The following ZHX3 variants were observed in gnomAD, a reference collection of about 807,000 sequenced individuals.
ZHX3 encodes zinc fingers and homeoboxes protein 3.
Under a neutral mutation model 64.5 loss-of-function variants are expected in ZHX3, and 20 were observed. That is an observed-to-expected ratio of 0.31 (90% CI 0.22 to 0.45). The LOEUF (loss-of-function observed/expected upper bound fraction) is 0.45, where lower values mean the gene tolerates loss of function less well. Among genes scored for constraint, ZHX3 ranks in the 20% least tolerant of loss-of-function variants. ZHX3 has a pLI of 1.00. For synonymous variants in ZHX3, 423 were observed against 461.6 expected (o/e 0.92, Z 1.07); for missense variants, 1,041 against 1,195.8 (o/e 0.87, Z 1.91).
intron 2 of ZHX3, among the ~76,000 whole-genome samples, chr20:41,240,077 A>C (rs2146442241): frequency 6.6e-6 from 1 of 152,146 alleles, no homozygotes; most frequent in South Asian, 2.1e-4. Context: ...GCTCACTGCA[A>C]CCTCTGCCTC....
Position 41,202,352 on chromosome 20 carries a change from C to A in ZHX3, c.2565G>T (p.Met855Ile), listed in dbSNP as rs1299613366. The A allele has an allele frequency of 6.2e-7, 1 of 1,614,192 alleles. No homozygotes were observed. The highest frequency in any genetic ancestry group is 1.7e-5 in the Admixed American group (1 of 60,018). The change falls in exon 3 of 4, where the codon ATG becomes ATT. Residue 855 changes from methionine to isoleucine, a missense_variant. Transcript: ENST00000683867. The surrounding 1 kb of genome is among the most constrained non-coding windows in gnomAD (Gnocchi z 7.0). Reference sequence around the variant, plus strand: ...CCTCTTCATACAGCATCTTGTGTGTCATGTAATAGTCCTGCAGGAGCTCCC... The same window carrying A: ...CCTCTTCATACAGCATCTTGTGTGTAATGTAATAGTCCTGCAGGAGCTCCC... ...GNRELLQDYYMTHKMLYEEDL... is the reference protein window; with the variant it reads ...GNRELLQDYYITHKMLYEEDL...
At chr20:41,254,954 T>C (rs1216142878) in intron 2 of ZHX3, among the ~76,000 whole-genome samples, 1 of 151,962 alleles carries the variant, frequency 6.6e-6, no homozygotes, top group Non-Finnish European at 1.5e-5. Flanking sequence ...CGAGGGAGAC[T>C]GATAATAGTG....
At chr20:41,301,912 G>A (rs1240527379) in intron 1 of ZHX3, among the ~76,000 whole-genome samples, 1 of 151,278 alleles carries the variant, frequency 6.6e-6, no homozygotes, top group Non-Finnish European at 1.5e-5. Flanking sequence ...AAATTAGCCG[G>A]GCGTAGTGGC....
At chr20:41,302,283 C>T (rs952279837) in intron 1 of ZHX3, among the ~76,000 whole-genome samples, 7 of 152,172 alleles carry the variant, frequency 4.6e-5, no homozygotes, top group Non-Finnish European at 4.4e-5. Context: ...CAAGGCACCA[C>T]TGCATCAATT....
At chr20:41,188,478 C>A (rs1053369021) in intron 3 of ZHX3, 3 of 145,204 alleles carry the variant, frequency 2.1e-5, no homozygotes, top group African/African-American at 7.6e-5. Flanking sequence ...GGCACAACCA[C>A]GGCTCACTGC....
chr20:41,263,047 A>C (rs981530197), intron 2 of ZHX3, among the ~76,000 whole-genome samples: 1 of 152,230 alleles, frequency 6.6e-6, no homozygotes, highest in African/African-American at 2.4e-5. Context: ...TCTGTAATAC[A>C]GAAGACATAA....
chr20:41,214,257 T>C (rs1336403242), intron 2 of ZHX3, among the ~76,000 whole-genome samples: 1 of 152,186 alleles, frequency 6.6e-6, no homozygotes, highest in Non-Finnish European at 1.5e-5. Flanking sequence ...TTCATATTGT[T>C]GGAAGTGCTT....
intron 1 of ZHX3, among the ~76,000 whole-genome samples, chr20:41,315,403 C>T (rs1047951015): frequency 7.4e-6 from 1 of 135,058 alleles, no homozygotes; most frequent in Non-Finnish European, 1.5e-5. Context: ...CCATGCTGGC[C>T]GGGCTGGTCT....
chr20:41,263,545 C>T (rs914626542), intron 2 of ZHX3, among the ~76,000 whole-genome samples: 1 of 151,848 alleles, frequency 6.6e-6, no homozygotes, highest in African/African-American at 2.4e-5. Context: ...CACGTGTATG[C>T]CACCATGCCC....
At chr20:41,212,000 T>G (rs74568468) in intron 2 of ZHX3, among the ~76,000 whole-genome samples, 1,885 of 152,268 alleles carry the variant, frequency 0.012, 12 homozygotes, top group Non-Finnish European at 0.02. Flanking sequence ...AGACATCAAG[T>G]AGAATATCTG....
chr20:41,304,593 A>C (rs1387234785), intron 1 of ZHX3, among the ~76,000 whole-genome samples: 4 of 152,354 alleles, frequency 2.6e-5, no homozygotes, highest in Non-Finnish European at 1.5e-5. Context: ...GTGTGAATGG[A>C]TATCTGTATG....
At chr20:41,191,184 G>A (rs1439543451) in intron 3 of ZHX3, among the ~76,000 whole-genome samples, 2 of 152,006 alleles carry the variant, frequency 1.3e-5, no homozygotes, top group African/African-American at 4.8e-5. Flanking sequence ...ATATGTAGTT[G>A]CTTTATTGTG....
At chr20:41,225,724 G>A (rs931827063) in intron 2 of ZHX3, among the ~76,000 whole-genome samples, 9 of 152,160 alleles carry the variant, frequency 5.9e-5, no homozygotes, top group African/African-American at 2.2e-4. Flanking sequence ...CTGACCTCAG[G>A]TGATCAGCCT....
At chr20:41,190,377 G>T (rs1163158816) in intron 3 of ZHX3, among the ~76,000 whole-genome samples, 2 of 152,080 alleles carry the variant, frequency 1.3e-5, no homozygotes, top group Admixed American at 1.3e-4. Flanking sequence ...CACCATGTTG[G>T]CCAGGCTGGT....
intron 1 of ZHX3, among the ~76,000 whole-genome samples, chr20:41,309,012 A>G (rs2146833394): frequency 6.6e-6 from 1 of 152,288 alleles, no homozygotes; most frequent in Non-Finnish European, 1.5e-5. Flanking sequence ...GTTGAACATG[A>G]TAACAATTAT....
chr20:41,231,592 C>T (rs1156930318), intron 2 of ZHX3, among the ~76,000 whole-genome samples: 2 of 152,146 alleles, frequency 1.3e-5, no homozygotes, highest in African/African-American at 4.8e-5. Context: ...ACTTTCTCTC[C>T]AGATTGTGAA....
intron 2 of ZHX3, among the ~76,000 whole-genome samples, chr20:41,240,668 C>A (rs1417485894): frequency 6.6e-6 from 1 of 152,170 alleles, no homozygotes; most frequent in Non-Finnish European, 1.5e-5. Flanking sequence ...ACCCTACTAC[C>A]CTTCCCAGCC....
chr20:41,206,524 C>T (rs538420763), intron 2 of ZHX3, among the ~76,000 whole-genome samples: 3 of 152,062 alleles, frequency 2.0e-5, no homozygotes, highest in South Asian at 2.1e-4. Flanking sequence ...CTTCAGTAGC[C>T]GATTTGATCA....
At chr20:41,193,829 T>C (rs2037258468) in intron 3 of ZHX3, among the ~76,000 whole-genome samples, 1 of 151,342 alleles carries the variant, frequency 6.6e-6, no homozygotes, top group African/African-American at 2.4e-5. Context: ...GCCTCAGCCC[T>C]AACCCTGAGA....
Sources: gnomAD v4.1 joint callset for allele counts (sites outside exome capture counted in the v4.1 genomes callset) on GRCh38, gnomAD v4.1.1 for gene constraint, Gnocchi (gnomAD v3.1) non-coding constraint, MANE v1.5 for transcripts, NCBI Gene and HGNC (gene_info 2026-07-23, HGNC 2026-07-21) for gene names.